The following NALF1 variants were observed in gnomAD, a reference collection of about 807,000 sequenced individuals.
The protein encoded by NALF1 is family with sequence similarity 155 member A.
Under a neutral mutation model 48.4 loss-of-function variants are expected in NALF1, and 3 were observed. The observed-to-expected ratio is 0.06, with a 90% confidence interval of 0.03 to 0.16. The LOEUF (loss-of-function observed/expected upper bound fraction) is 0.16, where lower values mean the gene tolerates loss of function less well. Ranked by LOEUF, NALF1 falls within the 10% of genes least tolerant of loss-of-function variation. NALF1 has a pLI of 1.00. For synonymous variants in NALF1, 262 were observed against 245.7 expected (o/e 1.07, Z -0.62); for missense variants, 526 against 571.5 (o/e 0.92, Z 0.81).
intron 1 of NALF1, among the ~76,000 whole-genome samples, chr13:107,666,775 A>C (rs1338682965): frequency 6.6e-6 from 1 of 151,832 alleles, no homozygotes; most frequent in Non-Finnish European, 1.5e-5. Flanking sequence ...CATTGCCCCC[A>C]TAATTTTTTT....
chr13:107,490,599 A>G (rs1375613159), intron 1 of NALF1, among the ~76,000 whole-genome samples: 1 of 152,178 alleles, frequency 6.6e-6, no homozygotes, highest in African/African-American at 2.4e-5. Flanking sequence ...ATCAGGAAAA[A>G]TAACTAATGG....
At chr13:107,826,336 G>T (rs1879520565) in intron 1 of NALF1, among the ~76,000 whole-genome samples, 1 of 152,010 alleles carries the variant, frequency 6.6e-6, no homozygotes, top group East Asian at 1.9e-4. Flanking sequence ...GTTCCTACCA[G>T]AGTTCAAAGT....
chr13:107,573,984 A>T (rs557623191), intron 1 of NALF1, among the ~76,000 whole-genome samples: 2 of 152,176 alleles, frequency 1.3e-5, no homozygotes, highest in African/African-American at 2.4e-5. Flanking sequence ...ACATTCCCCC[A>T]TCGCTCTTTC....
intron 1 of NALF1, among the ~76,000 whole-genome samples, chr13:107,656,601 G>T (rs114297400): frequency 0.035 from 5,388 of 152,182 alleles, 335 homozygotes; most frequent in African/African-American, 0.12. Context: ...ACAATAGGGG[G>T]ATTCCTTAAA....
chr13:107,819,626 T>G (rs1210210169), intron 1 of NALF1, among the ~76,000 whole-genome samples: 1 of 151,784 alleles, frequency 6.6e-6, no homozygotes, highest in Non-Finnish European at 1.5e-5. Context: ...AAGAATATAT[T>G]AATTGTGCTC....
chr13:107,707,338 G>A (rs1382799011), intron 1 of NALF1, among the ~76,000 whole-genome samples: 1 of 152,158 alleles, frequency 6.6e-6, no homozygotes, highest in East Asian at 1.9e-4. Context: ...TCCAATATAA[G>A]TGGTAAAGGG....
At chr13:107,274,345 A>G (rs1215930079) in intron 1 of NALF1, among the ~76,000 whole-genome samples, 1 of 152,136 alleles carries the variant, frequency 6.6e-6, no homozygotes, top group East Asian at 1.9e-4. Flanking sequence ...CACAGGCAGG[A>G]GGATCACTTG....
intron 2 of NALF1, among the ~76,000 whole-genome samples, chr13:107,191,020 G>C (rs1879268382): frequency 6.6e-6 from 1 of 152,148 alleles, no homozygotes; most frequent in South Asian, 2.1e-4. Context: ...TTCAGATTCT[G>C]GCATGTCAGT....
In NALF1 at chr13:107,166,693, C is replaced by T. The variant is rs1004480694; in HGVS notation, c.*3804G>A. 4 of 152,008 alleles carry T rather than the reference C, an allele frequency of 2.6e-5. No individual in the cohort carries two copies. Among genetic ancestry groups the T allele is most frequent in the Non-Finnish European group, 5.9e-5 (4 of 68,002 alleles). The allele number at this position is 152,008 out of a possible 1,614,324, so 9.4% of individuals were successfully genotyped here. A position where few individuals can be genotyped will look rare whatever the true frequency, so the allele number is the denominator to read the frequency against. ...TTATTTCATTTATGTTTTTTTCCCC[C>T]GGAAAAAAGTATGTACTTATTCATT... On this transcript the variant is annotated 3_prime_UTR_variant, in exon 3 of 3. Transcript: ENST00000375915.
chr13:107,564,429 A>G (rs1189036695), intron 1 of NALF1, among the ~76,000 whole-genome samples: 2 of 152,184 alleles, frequency 1.3e-5, no homozygotes, highest in African/African-American at 4.8e-5. Context: ...TAAAGCAAAC[A>G]TCAAACCACA....
At chr13:107,559,278 G>A (rs932710919) in intron 1 of NALF1, among the ~76,000 whole-genome samples, 2 of 152,096 alleles carry the variant, frequency 1.3e-5, no homozygotes, top group Admixed American at 6.5e-5. Flanking sequence ...AAACAGTCCG[G>A]ATAAGGAGTG....
intron 1 of NALF1, among the ~76,000 whole-genome samples, chr13:107,569,466 C>T (rs569767833): frequency 4.6e-5 from 7 of 151,106 alleles, no homozygotes; most frequent in Non-Finnish European, 1.0e-4. Context: ...AGCGAGACTC[C>T]GTCTCAAAAA....
intron 1 of NALF1, among the ~76,000 whole-genome samples, chr13:107,784,193 T>C (rs1451606616): frequency 6.6e-6 from 1 of 152,040 alleles, no homozygotes; most frequent in East Asian, 1.9e-4. Context: ...ACGCAAAGAG[T>C]AGCGAAATAA....
intron 1 of NALF1, among the ~76,000 whole-genome samples, chr13:107,404,218 T>C (rs1438421586): frequency 2.0e-5 from 3 of 152,112 alleles, no homozygotes; most frequent in Admixed American, 1.3e-4. Flanking sequence ...TTAAAGATTA[T>C]TTCGATCATT....
chr13:107,519,176 T>C (rs1876156763), intron 1 of NALF1, among the ~76,000 whole-genome samples: 2 of 152,160 alleles, frequency 1.3e-5, no homozygotes, highest in South Asian at 4.1e-4. Flanking sequence ...AAAAAATATA[T>C]TATTTACAGG....
intron 1 of NALF1, among the ~76,000 whole-genome samples, chr13:107,588,512 C>G (rs189838284): frequency 6.6e-6 from 1 of 151,930 alleles, no homozygotes; most frequent in East Asian, 1.9e-4. Flanking sequence ...TTTGGGCATA[C>G]GTGAAAGACA....
chr13:107,185,797 T>C (rs981020820), intron 2 of NALF1, among the ~76,000 whole-genome samples: 1 of 152,198 alleles, frequency 6.6e-6, no homozygotes, highest in African/African-American at 2.4e-5. Flanking sequence ...ACAATCTCCT[T>C]TTGCATTTCA....
At chr13:107,244,319 G>A (rs1157318584) in intron 1 of NALF1, among the ~76,000 whole-genome samples, 1 of 152,212 alleles carries the variant, frequency 6.6e-6, no homozygotes, top group African/African-American at 2.4e-5. Context: ...ACCATTGATA[G>A]AGTATGTGCT....
chr13:107,755,190 C>G (rs1479247285), intron 1 of NALF1, among the ~76,000 whole-genome samples: 1 of 152,020 alleles, frequency 6.6e-6, no homozygotes, highest in Admixed American at 6.5e-5. Context: ...CCATGTTGCT[C>G]CACACACAGT....
Sources: allele counts gnomAD v4.1 joint callset (sites outside exome capture counted in the v4.1 genomes callset), GRCh38; gene constraint gnomAD v4.1.1; transcripts MANE v1.5; gene names NCBI Gene and HGNC (gene_info 2026-07-23, HGNC 2026-07-21).